FAM151B: variants seen among roughly 807,000 people sequenced by gnomAD.
FAM151B encodes protein FAM151B.
A neutral mutation model predicts 31.2 loss-of-function variants in FAM151B; 24 were observed. The ratio of observed to expected loss-of-function variants is 0.77; its 90% CI spans 0.56 to 1.08. The LOEUF is 1.08. Ranked by LOEUF, FAM151B falls within the 50% of genes least tolerant of loss-of-function variation. FAM151B has a pLI of 0.00. For missense variants in FAM151B, 293 were observed against 328.6 expected (o/e 0.89, Z 0.84); for synonymous variants, 105 against 111.4 (o/e 0.94, Z 0.36).
chr5:80,522,884 A>AT (rs11329451), intron 5 of FAM151B, among the ~76,000 whole-genome samples: 12 of 151,510 alleles, frequency 7.9e-5, no homozygotes, highest in South Asian at 2.1e-4. Context: ...TAAAAATTTT[A>AT]TTTTTTTTTC....
intron 1 of FAM151B, chr5:80,498,675 T>C: frequency 1.6e-6 from 1 of 642,058 alleles, no homozygotes; most frequent in Non-Finnish European, 2.9e-6. Context: ...CTCTTCCACC[T>C]TATAGTATTT....
intron 2 of FAM151B, 44 bp downstream of exon 2, chr5:80,501,961 T>C (rs1743766600): frequency 5.5e-6 from 8 of 1,453,824 alleles, no homozygotes; most frequent in Non-Finnish European, 7.4e-6. Context: ...GATAATAGAT[T>C]AATTCAACTC....
intron 2 of FAM151B, among the ~76,000 whole-genome samples, chr5:80,505,688 C>A (rs919586453): frequency 1.3e-5 from 2 of 151,646 alleles, no homozygotes; most frequent in Non-Finnish European, 2.9e-5. Context: ...GCCACCGCAC[C>A]CAGCCACATC....
intron 5 of FAM151B, among the ~76,000 whole-genome samples, chr5:80,535,787 C>G (rs1745471470): frequency 6.6e-6 from 1 of 152,058 alleles, no homozygotes; most frequent in Non-Finnish European, 1.5e-5. Context: ...AAATGGTCAA[C>G]AAAGTGAAGA....
chr5:80,538,505 T>TTTCC (rs2112681731), intron 5 of FAM151B, among the ~76,000 whole-genome samples: 1 of 107,116 alleles, frequency 9.3e-6, no homozygotes, highest in African/African-American at 4.3e-5. Context: ...CTTCCTTTCT[T>TTTCC]TTCTTTCTTT....
intron 1 of FAM151B, chr5:80,500,376 A>C: frequency 8.1e-7 from 1 of 1,231,878 alleles, no homozygotes; most frequent in Non-Finnish European, 1.2e-6. Context: ...GCTGTGCCAG[A>C]AACCCTTAAG....
chr5:80,519,994 A>T (rs1399313896), intron 4 of FAM151B, 84 bp downstream of exon 4: 2 of 1,289,886 alleles, frequency 1.6e-6, no homozygotes, highest in Admixed American at 2.2e-5. Flanking sequence ...AAAGACCAAA[A>T]CCCATTCTAC....
At chr5:80,514,855 C>T (rs982769872) in intron 3 of FAM151B, among the ~76,000 whole-genome samples, 2 of 152,108 alleles carry the variant, frequency 1.3e-5, no homozygotes, top group South Asian at 2.1e-4. Flanking sequence ...CTTATTATAC[C>T]GTTAGTGAAT....
intron 2 of FAM151B, among the ~76,000 whole-genome samples, chr5:80,508,413 T>C (rs1744062130): frequency 6.6e-6 from 1 of 152,198 alleles, no homozygotes; most frequent in Non-Finnish European, 1.5e-5. Flanking sequence ...GGTTCTAGTT[T>C]CTCCACATCT....
At chr5:80,509,836 G>T (rs1191333207) in intron 2 of FAM151B, among the ~76,000 whole-genome samples, 3 of 152,230 alleles carry the variant, frequency 2.0e-5, no homozygotes, top group Non-Finnish European at 2.9e-5. Flanking sequence ...AAATACACAG[G>T]TTCACTGGGT....
chr5:80,490,638 A>G lies in FAM151B; in HGVS notation c.25+2490A>G, dbSNP rs149206676. On this transcript the variant is annotated intron_variant, in intron 1 of 5. Coordinates refer to ENST00000282226, the MANE Select transcript of FAM151B (RefSeq NM_205548.3). ...GTCTCTATGAATTTGCCTGTTCTGG[A>G]TGTTTCATATAAATGGAATCATCCA... is the stretch of plus-strand genomic sequence containing the variant. Among the ~76,000 whole-genome samples the G allele has an allele frequency of 3.0e-4, 46 of 152,260 alleles. No individual in the cohort carries two copies. In the East Asian group the frequency reaches 8.3e-3, roughly 27 times the overall value.
At chr5:80,540,619 A>T (rs1416806085) in intron 5 of FAM151B, among the ~76,000 whole-genome samples, 2 of 152,234 alleles carry the variant, frequency 1.3e-5, no homozygotes, top group Admixed American at 6.5e-5. Flanking sequence ...CTAAATGCTC[A>T]TAACCATGTC....
intron 2 of FAM151B, among the ~76,000 whole-genome samples, chr5:80,505,517 C>T (rs928906654): frequency 6.6e-6 from 1 of 151,844 alleles, no homozygotes; most frequent in Non-Finnish European, 1.5e-5. Context: ...GCCTCAGCCT[C>T]CCAAGTAGCT....
intron 1 of FAM151B, among the ~76,000 whole-genome samples, chr5:80,494,476 C>CTTTCTTTCTTTCTTTCTTTA (rs1743449620): frequency 5.5e-5 from 7 of 126,648 alleles, no homozygotes; most frequent in African/African-American, 2.1e-4. Context: ...TTCTTTCTTT[C>CTTTCTTTCTTTCTTTCTTTA]TTTCTTTCTT....
intron 5 of FAM151B, among the ~76,000 whole-genome samples, chr5:80,524,396 T>A (rs556174053): frequency 2.6e-5 from 4 of 152,248 alleles, no homozygotes; most frequent in Middle Eastern, 3.4e-3. Context: ...CAATATTAAC[T>A]ATAGTCCTCC....
rs188268587 is a variant in FAM151B at position 80,531,273 on chromosome 5, C to T, written c.671+9135C>T. On this transcript the variant is annotated intron_variant, in intron 5 of 5. Transcript: ENST00000282226. ...AAAGACTTAAATATTAGACCTAAAG[C>T]CATAAAAACCCTAGAAGAAAACCTA... Among the ~76,000 whole-genome samples, 798 of 152,198 alleles carry T rather than the reference C, an allele frequency of 5.2e-3. 5 individuals are homozygous for T. Among genetic ancestry groups the T allele is most frequent in the African/African-American group, 0.018 (752 of 41,530 alleles).
rs1385908643 is a variant in FAM151B at position 80,501,908 on chromosome 5, G to T, written c.142G>T (p.Ala48Ser). ...TAACCACAAGGCACAAACAAATGAGGCACTGAAAAGTAAGTCAGTACAGTT... is the reference window on the plus strand; with the variant it reads ...TAACCACAAGGCACAAACAAATGAGTCACTGAAAAGTAAGTCAGTACAGTT... ...AANHKAQTNE[A>S]LKSTAHMIEA... The change falls in exon 2 of 6, where the codon GCA becomes TCA. Residue 48 changes from alanine to serine, a missense_variant. Physicochemically the swap from Ala to Ser is moderately conservative, Grantham distance 99 (BLOSUM62 1). Transcript: ENST00000282226. 6.3e-7 allele frequency: 1 copy of T among 1,598,708 alleles called. No individual in the cohort carries two copies. The highest frequency in any genetic ancestry group is 1.1e-5 in the South Asian group (1 of 88,596).
intron 1 of FAM151B, among the ~76,000 whole-genome samples, chr5:80,497,302 C>G (rs1743582749): frequency 6.6e-6 from 1 of 151,822 alleles, no homozygotes; most frequent in African/African-American, 2.4e-5. Flanking sequence ...GTAATCTCAG[C>G]TGCTCAGAAG....
intron 5 of FAM151B, among the ~76,000 whole-genome samples, chr5:80,540,178 T>C (rs987077913): frequency 1.3e-5 from 2 of 152,098 alleles, no homozygotes; most frequent in Non-Finnish European, 2.9e-5. Context: ...AGAACATGCA[T>C]TGAATTTAGT....
Sources: gnomAD v4.1 joint callset for allele counts (sites outside exome capture counted in the v4.1 genomes callset) on GRCh38, gnomAD v4.1.1 for gene constraint, MANE v1.5 for transcripts, NCBI Gene and HGNC (gene_info 2026-07-23, HGNC 2026-07-21) for gene names.